The following ATP10B variants were observed in gnomAD, a reference collection of about 807,000 sequenced individuals.
ATP10B encodes the protein ATPase phospholipid transporting 10B (putative).
A neutral mutation model predicts 141.2 loss-of-function variants in ATP10B; 122 were observed. The ratio of observed to expected loss-of-function variants is 0.86; its 90% CI spans 0.75 to 1.00. The LOEUF (loss-of-function observed/expected upper bound fraction) is 1.00, where lower values mean the gene tolerates loss of function less well. ATP10B is among the 50% of genes least tolerant of loss of function. The probability of loss-of-function intolerance (pLI) is 0.00; values close to 1 mark genes in which losing one functional copy is unlikely to be tolerated. For missense variants in ATP10B, 1,876 were observed against 1,825.3 expected (o/e 1.03, Z -0.51); for synonymous variants, 685 against 692.0 (o/e 0.99, Z 0.16).
At chr5:160,774,327 G>A (rs1770125481) in intron 2 of ATP10B, among the ~76,000 whole-genome samples, 1 of 152,204 alleles carries the variant, frequency 6.6e-6, no homozygotes, top group African/African-American at 2.4e-5. Context: ...CGGAGAAGCA[G>A]CTGAAATCTA....
At chr5:160,747,286 T>A (rs1033853084) in intron 2 of ATP10B, among the ~76,000 whole-genome samples, 3 of 152,186 alleles carry the variant, frequency 2.0e-5, no homozygotes, top group African/African-American at 7.2e-5. Context: ...TCCTTCCTAG[T>A]ACTTTTTCAA....
At chr5:160,783,562 TACACACACACACAC>T (rs57796332) in intron 2 of ATP10B, among the ~76,000 whole-genome samples, 7 of 131,292 alleles carry the variant, frequency 5.3e-5, no homozygotes, top group African/African-American at 1.4e-4. Context: ...ATATATATGA[TACACACACACACAC>T]ACACACACAC....
At chr5:160,784,996 A>G (rs1771026128) in intron 2 of ATP10B, among the ~76,000 whole-genome samples, 1 of 152,186 alleles carries the variant, frequency 6.6e-6, no homozygotes, top group East Asian at 1.9e-4. Flanking sequence ...TTCTAAACCA[A>G]TCATGGTGGT....
At chr5:160,653,511 TAGGTAGTATATATAC>T (rs1156604789) in intron 7 of ATP10B, among the ~76,000 whole-genome samples, 1 of 130,206 alleles carries the variant, frequency 7.7e-6, no homozygotes, top group African/African-American at 3.0e-5. Flanking sequence ...CATATATACA[TAGGTAGTATATATAC>T]ATATATTACA....
intron 1 of ATP10B, among the ~76,000 whole-genome samples, chr5:160,803,684 AAAAT>A (rs1261014244): frequency 2.6e-5 from 4 of 152,284 alleles, no homozygotes; most frequent in African/African-American, 7.2e-5. Flanking sequence ...TCAAAAAAAT[AAAAT>A]AAATAAAAAG....
At chr5:160,797,692 G>T (rs75090047) in intron 1 of ATP10B, among the ~76,000 whole-genome samples, 2 of 152,190 alleles carry the variant, frequency 1.3e-5, no homozygotes, top group African/African-American at 4.8e-5. Context: ...TAGTGGAACT[G>T]CTGGTGTTCA....
At chr5:160,792,547 C>T (rs1467991957) in intron 1 of ATP10B, among the ~76,000 whole-genome samples, 1 of 152,030 alleles carries the variant, frequency 6.6e-6, no homozygotes, top group African/African-American at 2.4e-5. Flanking sequence ...GGACTCTTTC[C>T]CCCACTTCTT....
intron 18 of ATP10B, among the ~76,000 whole-genome samples, chr5:160,610,790 T>A (rs995814536): frequency 2.0e-5 from 3 of 152,220 alleles, no homozygotes; most frequent in Non-Finnish European, 4.4e-5. Flanking sequence ...TTAGTTCCTA[T>A]CTAATACTTT....
intron 2 of ATP10B, among the ~76,000 whole-genome samples, chr5:160,771,027 C>T (rs1050483258): frequency 6.6e-6 from 1 of 152,140 alleles, no homozygotes; most frequent in Non-Finnish European, 1.5e-5. Context: ...AATACGTTTG[C>T]TGAAAGGGTT....
At chr5:160,766,816 GA>G (rs916103779) in intron 2 of ATP10B, among the ~76,000 whole-genome samples, 7 of 152,006 alleles carry the variant, frequency 4.6e-5, no homozygotes, top group African/African-American at 1.4e-4. Context: ...ATTAGCTTTA[GA>G]AAAAAAATAT....
chr5:160,661,798 G>A (rs187666452), intron 7 of ATP10B, among the ~76,000 whole-genome samples: 292 of 152,214 alleles, frequency 1.9e-3, no homozygotes, highest in African/African-American at 6.6e-3. Flanking sequence ...TTCTGGCCAG[G>A]GCAATCAGGC....
upstream of ATP10B, among the ~76,000 whole-genome samples, chr5:160,852,756 T>C (rs1753872988): frequency 6.6e-6 from 1 of 152,138 alleles, no homozygotes; most frequent in Non-Finnish European, 1.5e-5. Context: ...TAAAATGAGA[T>C]TTTCATGTAT....
chr5:160,786,561 C>T (rs1054200174), intron 1 of ATP10B, among the ~76,000 whole-genome samples: 2 of 152,134 alleles, frequency 1.3e-5, no homozygotes, highest in African/African-American at 4.8e-5. Context: ...ACGGCTCCCT[C>T]CATTCCATTC....
intron 2 of ATP10B, among the ~76,000 whole-genome samples, chr5:160,758,556 A>C (rs1329067929): frequency 6.6e-6 from 1 of 152,196 alleles, no homozygotes; most frequent in Non-Finnish European, 1.5e-5. Flanking sequence ...CTAGGGGTCA[A>C]GATCATTGTA....
chr5:160,755,869 ATATATATATT>A (rs1469925161), intron 2 of ATP10B, among the ~76,000 whole-genome samples: 4 of 114,600 alleles, frequency 3.5e-5, no homozygotes, highest in African/African-American at 1.3e-4. Context: ...ATATATATAT[ATATATATATT>A]ATAATTTTAT....
chr5:160,717,357 T>C (rs1765721705), intron 2 of ATP10B, among the ~76,000 whole-genome samples: 1 of 152,178 alleles, frequency 6.6e-6, no homozygotes, highest in Non-Finnish European at 1.5e-5. Flanking sequence ...AAGCCTGGTG[T>C]GTCTTTGGGG....
intron 1 of ATP10B, among the ~76,000 whole-genome samples, chr5:160,818,885 A>C (rs1156554952): frequency 6.6e-6 from 1 of 152,198 alleles, no homozygotes; most frequent in African/African-American, 2.4e-5. Flanking sequence ...CATTCTCAGC[A>C]AACTATTTCA....
At chr5:160,874,519 C>T in the ATP10B span, among the ~76,000 whole-genome samples, 1 of 151,874 alleles carries the variant, frequency 6.6e-6, no homozygotes, top group African/African-American at 2.4e-5. Context: ...CAGCAACGGA[C>T]CAAAGCTGGA....
chr5:160,622,599 G>A lies in ATP10B; in HGVS notation c.1621-14C>T, dbSNP rs1758410217. 1.2e-6 allele frequency: 2 copies of A among 1,603,708 alleles called. No individual in the cohort carries two copies. The highest frequency in any genetic ancestry group is 1.1e-5 in the South Asian group (1 of 90,204). ...TACATCTTTTTCCTGGAAGAGAAAG[G>A]CCAGAATGAGAGTCTTTTCTGGGAA... On this transcript the variant is annotated splice_polypyrimidine_tract_variant and intron_variant, in intron 13 of 25. Coordinates refer to ENST00000327245, the MANE Select transcript of ATP10B (RefSeq NM_025153.3).
Sources: gnomAD v4.1 joint callset for allele counts (sites outside exome capture counted in the v4.1 genomes callset) on GRCh38, gnomAD v4.1.1 for gene constraint, MANE v1.5 for transcripts, NCBI Gene and HGNC (gene_info 2026-07-23, HGNC 2026-07-21) for gene names.